The following ATG3 variants were observed in gnomAD, a reference collection of about 807,000 sequenced individuals.
ATG3 encodes the protein ubiquitin-like-conjugating enzyme ATG3.
A neutral mutation model predicts 50.7 loss-of-function variants in ATG3; 25 were observed. That is an observed-to-expected ratio of 0.49 (90% CI 0.36 to 0.69). The LOEUF (loss-of-function observed/expected upper bound fraction) is 0.69, where lower values mean the gene tolerates loss of function less well. Among genes scored for constraint, ATG3 ranks in the 30% least tolerant of loss-of-function variants. The probability of loss-of-function intolerance (pLI) is 0.00; values close to 1 mark genes in which losing one functional copy is unlikely to be tolerated. For missense variants in ATG3, 281 were observed against 376.0 expected (o/e 0.75, Z 2.09); for synonymous variants, 119 against 125.5 (o/e 0.95, Z 0.34).
At position 112,561,675 on chromosome 3, in the gene ATG3, G is replaced by C; in HGVS notation, c.-147C>G. On this transcript the variant is annotated 5_prime_UTR_variant, in exon 1 of 12. Transcript: ENST00000283290. ...CCGAGGGGACGGGACGCGACGCGAC[G>C]GGACGGGCGGGACGAGGGGGCGGGG... 1 of 761,362 alleles carries C rather than the reference G, an allele frequency of 1.3e-6. No homozygotes were observed. The highest frequency in any genetic ancestry group is 1.8e-5 in the South Asian group (1 of 55,610). 47.2% of individuals were successfully genotyped at this position (761,362 alleles called of 1,614,324 possible). A position where few individuals can be genotyped will look rare whatever the true frequency, so the allele number is the denominator to read the frequency against.
At chr3:112,556,835 G>A (rs1256111460) in intron 2 of ATG3, among the ~76,000 whole-genome samples, 1 of 151,844 alleles carries the variant, frequency 6.6e-6, no homozygotes, top group East Asian at 1.9e-4. Context: ...CAGCATGCTC[G>A]TTAAGAGTCA....
At chr3:112,534,999 A>G (rs1932983480) in intron 10 of ATG3, 1 of 151,740 alleles carries the variant, frequency 6.6e-6, no homozygotes, top group Admixed American at 6.6e-5. Flanking sequence ...TTTTTGGCTT[A>G]TAAGAAGAAA....
chr3:112,558,172 G>A, intron 2 of ATG3: 1 of 550,738 alleles, frequency 1.8e-6, no homozygotes, highest in East Asian at 3.1e-5. Context: ...AGGAACTACA[G>A]AGAAATATGA....
At chr3:112,554,772 GTTTAA>G (rs776845378) in intron 2 of ATG3, among the ~76,000 whole-genome samples, 10 of 132,344 alleles carry the variant, frequency 7.6e-5, no homozygotes, top group Non-Finnish European at 1.3e-4. Flanking sequence ...AAATACTCTA[GTTTAA>G]TTTGAGCATA....
intron 4 of ATG3, among the ~76,000 whole-genome samples, chr3:112,549,462 G>A (rs1042851037): frequency 6.6e-6 from 1 of 152,066 alleles, no homozygotes; most frequent in Non-Finnish European, 1.5e-5. Flanking sequence ...GATTAGTTAG[G>A]AACTATAACA....
chr3:112,543,890 C>T, intron 6 of ATG3, 167 bp downstream of exon 6: 1 of 496,378 alleles, frequency 2.0e-6, no homozygotes, highest in East Asian at 3.1e-5. Flanking sequence ...TGTGTTGAGA[C>T]AGAAAAATGA....
chr3:112,554,612 T>C (rs1933613056), intron 2 of ATG3, among the ~76,000 whole-genome samples: 1 of 152,240 alleles, frequency 6.6e-6, no homozygotes, highest in East Asian at 1.9e-4. Context: ...TCTCTACACA[T>C]GGACGCATGT....
intron 11 of ATG3, 169 bp downstream of exon 11, chr3:112,534,100 C>T (rs1164914134): frequency 7.3e-7 from 1 of 1,369,318 alleles, no homozygotes; most frequent in Non-Finnish European, 9.4e-7. Context: ...CAAGGCATAA[C>T]TATCACAATA....
chr3:112,548,391 T>C (rs1172957228), intron 5 of ATG3, 142 bp downstream of exon 5: 2 of 708,348 alleles, frequency 2.8e-6, no homozygotes, highest in African/African-American at 3.6e-5. Flanking sequence ...TTTTTTAAAA[T>C]TTGTCCTCCT....
intron 3 of ATG3, among the ~76,000 whole-genome samples, chr3:112,551,503 A>G (rs1933528202): frequency 6.6e-6 from 1 of 152,196 alleles, no homozygotes; most frequent in Non-Finnish European, 1.5e-5. Flanking sequence ...TCTAAGTTAC[A>G]ATAAAAGTAT....
chr3:112,548,831 C>A (rs1221489453), intron 4 of ATG3, among the ~76,000 whole-genome samples, 191 bp from the exon 5 acceptor site: 2 of 152,178 alleles, frequency 1.3e-5, no homozygotes, highest in Admixed American at 6.5e-5. Context: ...CTACATTTAC[C>A]TTTTCCTAAA....
At chr3:112,539,888 A>G (rs1347927950) in intron 7 of ATG3, among the ~76,000 whole-genome samples, 1 of 152,222 alleles carries the variant, frequency 6.6e-6, no homozygotes, top group Admixed American at 6.5e-5. Flanking sequence ...TGTACTTTGA[A>G]AACAGTGCTT....
rs2082565513 is a variant in ATG3 at position 112,532,792 on chromosome 3, T to C, written c.864-12A>G. ...AAATAAGAAGATACCTAAAGGTTTT[T>C]AGCTAAGGAAAATAAGATTTGTAAA... is the stretch of plus-strand genomic sequence containing the variant. On this transcript the variant is annotated splice_polypyrimidine_tract_variant and intron_variant, in intron 11 of 11. Transcript: ENST00000283290. 2 of 1,570,938 alleles carry C rather than the reference T, an allele frequency of 1.3e-6. No homozygotes were observed. Among genetic ancestry groups the C allele is most frequent in the South Asian group, 1.2e-5 (1 of 85,008 alleles).
chr3:112,539,023 A>G (rs1933151901), intron 7 of ATG3, among the ~76,000 whole-genome samples: 1 of 152,186 alleles, frequency 6.6e-6, no homozygotes, highest in East Asian at 1.9e-4. Context: ...TATGACATCC[A>G]ATCCAGCAGC....
intron 7 of ATG3, among the ~76,000 whole-genome samples, chr3:112,541,046 G>T (rs1933210177): frequency 6.6e-6 from 1 of 152,160 alleles, no homozygotes; most frequent in Non-Finnish European, 1.5e-5. Flanking sequence ...AACTCTAGGA[G>T]GAGGACTTTT....
Position 112,541,836 on chromosome 3 carries a change from C to T in ATG3, c.442G>A (p.Asp148Asn), listed in dbSNP as rs1933236528. 1.2e-6 allele frequency: 2 copies of T among 1,612,416 alleles called. No individual in the cohort carries two copies. Among genetic ancestry groups the T allele is most frequent in the South Asian group, 1.1e-5 (1 of 91,042 alleles). ...DCSALCEEEE[D>N]EDEGEAADME... ...TCTGCAGCTTCTCCTTCATCTTCAT[C>T]TTCTTCCTCTTCACATAGTGCTGAG... The change falls in exon 7 of 12, where the codon GAT (aspartate) becomes AAT (asparagine). Residue 148 changes from aspartate (D) to asparagine (N), a missense_variant. Physicochemically the swap from Asp to Asn is conservative, Grantham distance 23. Coordinates refer to ENST00000283290, the MANE Select transcript of ATG3 (RefSeq NM_022488.5).
intron 2 of ATG3, among the ~76,000 whole-genome samples, chr3:112,557,209 G>A (rs958435379): frequency 7.8e-5 from 11 of 140,862 alleles, no homozygotes; most frequent in Non-Finnish European, 7.7e-5. Context: ...CCACCATCAC[G>A]CCCCGCTAAT....
chr3:112,553,446 A>G, intron 2 of ATG3, 117 bp from the exon 3 acceptor site: 1 of 770,950 alleles, frequency 1.3e-6, no homozygotes, highest in African/African-American at 1.7e-5. Flanking sequence ...AAATCCAGTA[A>G]GCAATAAAAA....
At chr3:112,559,320 T>C (rs1209586105) in intron 1 of ATG3, among the ~76,000 whole-genome samples, 1 of 152,134 alleles carries the variant, frequency 6.6e-6, no homozygotes, top group Non-Finnish European at 1.5e-5. Context: ...TCTGGTAGAG[T>C]CTACAAAAAT....
Sources: allele counts gnomAD v4.1 joint callset (sites outside exome capture counted in the v4.1 genomes callset), GRCh38; gene constraint gnomAD v4.1.1; transcripts MANE v1.5; gene names NCBI Gene and HGNC (gene_info 2026-07-23, HGNC 2026-07-21).